ADAM32: variants seen among roughly 807,000 people sequenced by gnomAD.
ADAM32 encodes ADAM metallopeptidase domain 32, also known as disintegrin and metalloproteinase domain-containing protein 32.
A neutral mutation model predicts 114.9 loss-of-function variants in ADAM32; 89 were observed. The observed-to-expected ratio is 0.77, with a 90% CI of 0.65 to 0.92. The LOEUF is 0.92. Among genes scored for constraint, ADAM32 ranks in the 40% least tolerant of loss-of-function variants. ADAM32 has a pLI of 0.00. For synonymous variants in ADAM32, 285 were observed against 307.5 expected, an observed-to-expected ratio of 0.93 and a Z score of 0.77; for missense variants, 870 against 932.8, an observed-to-expected ratio of 0.93 and a Z score of 0.88.
At chr8:39,283,768 A>C (rs901169638) in intron 24 of ADAM32, 144 bp downstream of exon 24, 7 of 350,978 alleles carry the variant, frequency 2.0e-5, no homozygotes, top group Non-Finnish European at 1.4e-5. Context: ...TCTTTCTTTT[A>C]TTCTTTTTTT....
chr8:39,121,113 G>T (rs1454931395), intron 2 of ADAM32, among the ~76,000 whole-genome samples: 2 of 152,192 alleles, frequency 1.3e-5, no homozygotes, highest in Non-Finnish European at 2.9e-5. Context: ...AATGAGAAAT[G>T]ATGTTTTAGA....
At chr8:39,268,453 C>A (rs997198739) in intron 19 of ADAM32, among the ~76,000 whole-genome samples, 5 of 152,074 alleles carry the variant, frequency 3.3e-5, no homozygotes, top group Non-Finnish European at 5.9e-5. Context: ...ATCTTTTGAT[C>A]ACTTTTGAAA....
At chr8:39,173,069 C>A (rs1221014777) in intron 10 of ADAM32, among the ~76,000 whole-genome samples, 1 of 152,190 alleles carries the variant, frequency 6.6e-6, no homozygotes, top group African/African-American at 2.4e-5. Flanking sequence ...ACCAGCCTGA[C>A]CAACATGGTG....
At chr8:39,183,841 A>G (rs764863382) in intron 10 of ADAM32, among the ~76,000 whole-genome samples, 2 of 152,252 alleles carry the variant, frequency 1.3e-5, no homozygotes, top group South Asian at 2.1e-4. Context: ...CCCTGGTCAG[A>G]AACAATAGTG....
chr8:39,148,200 T>C (rs932330497), intron 4 of ADAM32, among the ~76,000 whole-genome samples: 1 of 152,074 alleles, frequency 6.6e-6, no homozygotes, highest in Non-Finnish European at 1.5e-5. Flanking sequence ...AAAGCCAGAG[T>C]CACCTGGTTC....
chr8:39,216,403 T>A (rs1808569307), intron 12 of ADAM32, among the ~76,000 whole-genome samples: 1 of 152,052 alleles, frequency 6.6e-6, no homozygotes, highest in South Asian at 2.1e-4. Context: ...TTACATTCCA[T>A]GTTATTATTG....
intron 14 of ADAM32, among the ~76,000 whole-genome samples, chr8:39,229,503 A>G (rs182313219): frequency 5.9e-5 from 9 of 152,350 alleles, no homozygotes; most frequent in African/African-American, 1.2e-4. Context: ...GGGGTGGAAA[A>G]AGGCATTTCA....
At chr8:39,219,553 A>G (rs1808813539) in intron 12 of ADAM32, among the ~76,000 whole-genome samples, 1 of 152,164 alleles carries the variant, frequency 6.6e-6, no homozygotes, top group African/African-American at 2.4e-5. Context: ...ATTGAATTCA[A>G]TGCAAAGCCT....
chr8:39,235,762 G>A (rs1297371600), intron 16 of ADAM32, among the ~76,000 whole-genome samples: 1 of 152,134 alleles, frequency 6.6e-6, no homozygotes, highest in Non-Finnish European at 1.5e-5. Context: ...CAGGCAGACA[G>A]TAGATACTAT....
intron 2 of ADAM32, among the ~76,000 whole-genome samples, chr8:39,123,814 C>T (rs1257148156): frequency 1.3e-5 from 2 of 149,296 alleles, no homozygotes; most frequent in Non-Finnish European, 3.0e-5. Flanking sequence ...TCAAGTGATT[C>T]TCCTACCTCA....
At chr8:39,177,030 AT>A (rs1471497958) in intron 10 of ADAM32, among the ~76,000 whole-genome samples, 1 of 142,906 alleles carries the variant, frequency 7.0e-6, no homozygotes, top group Admixed American at 7.0e-5. Context: ...TCTGTTTTTC[AT>A]TTGCTTGGTA....
chr8:39,177,800 T>A (rs535500558), intron 10 of ADAM32, among the ~76,000 whole-genome samples: 4 of 152,240 alleles, frequency 2.6e-5, no homozygotes, highest in Non-Finnish European at 5.9e-5. Context: ...AAATTCTGGG[T>A]TGAAAATTCT....
At position 39,240,407 on chromosome 8, in the gene ADAM32, C is replaced by T. The variant is rs75243215; in HGVS notation, c.1819-5676C>T. On this transcript the variant is annotated intron_variant, in intron 16 of 24. Coordinates refer to ENST00000379907, the MANE Select transcript of ADAM32 (RefSeq NM_145004.7). ...ATAGTGACACAACCCATCCAATCCT[C>T]TGAGATACAGCAAAAGCCGTGCTAA... Among the ~76,000 whole-genome samples the T allele has an allele frequency of 1.8e-3, 279 of 152,304 alleles. 7 individuals are homozygous for T. The East Asian group carries it at 0.051, about 28-fold the overall frequency.
At chr8:39,173,583 T>C (rs1585454930) in intron 10 of ADAM32, among the ~76,000 whole-genome samples, 1 of 152,250 alleles carries the variant, frequency 6.6e-6, no homozygotes, top group African/African-American at 2.4e-5. Flanking sequence ...GATGGATAGA[T>C]TGCAAAAATT....
intron 19 of ADAM32, among the ~76,000 whole-genome samples, chr8:39,260,878 T>C (rs1206854571): frequency 3.3e-5 from 5 of 152,124 alleles, no homozygotes. Context: ...CATCTGGTTC[T>C]GTTTTTTTCT....
intron 1 of ADAM32, among the ~76,000 whole-genome samples, chr8:39,113,725 T>G (rs867461579): frequency 6.6e-6 from 1 of 152,110 alleles, no homozygotes; most frequent in African/African-American, 2.4e-5. Flanking sequence ...GCTCACTAAA[T>G]ATATAAGCAT....
chr8:39,283,837 G>A (rs1401978805), intron 24 of ADAM32, among the ~76,000 whole-genome samples: 1 of 146,610 alleles, frequency 6.8e-6, no homozygotes, highest in South Asian at 2.1e-4. Context: ...GCAATGGTGC[G>A]ATCTCAGCTC....
At chr8:39,262,761 G>A (rs1199079392) in intron 19 of ADAM32, among the ~76,000 whole-genome samples, 2 of 151,864 alleles carry the variant, frequency 1.3e-5, no homozygotes, top group East Asian at 3.9e-4. Context: ...AGGCTGGAGT[G>A]CAGTAGTGTT....
chr8:39,139,051 G>T (rs961865582), intron 3 of ADAM32, among the ~76,000 whole-genome samples: 1 of 152,152 alleles, frequency 6.6e-6, no homozygotes, highest in Admixed American at 6.5e-5. Flanking sequence ...ATTTGTTTAA[G>T]TTATTTGTAG....
Sources: gnomAD v4.1 joint callset for allele counts (sites outside exome capture counted in the v4.1 genomes callset) on GRCh38, gnomAD v4.1.1 for gene constraint, MANE v1.5 for transcripts, NCBI Gene and HGNC (gene_info 2026-07-23, HGNC 2026-07-21) for gene names.